Variants in SCN8A observed in about 807,000 individuals in gnomAD.
The protein encoded by SCN8A is sodium channel protein type 8 subunit alpha.
A neutral mutation model predicts 184.1 loss-of-function variants in SCN8A; 30 were observed. The observed-to-expected ratio is 0.16, with a 90% CI of 0.12 to 0.22. The LOEUF is 0.22. SCN8A is among the 10% of genes least tolerant of loss of function. The probability of loss-of-function intolerance (pLI) is 1.00; values close to 1 mark genes in which losing one functional copy is unlikely to be tolerated. For synonymous variants in SCN8A, 852 were observed against 907.0 expected (o/e 0.94, Z 1.09); for missense variants, 1,057 against 2,498.9 (o/e 0.42, Z 12.30).
intron 26 of SCN8A, among the ~76,000 whole-genome samples, chr12:51,801,908 A>AGCCGGGCG: frequency 6.6e-6 from 1 of 152,124 alleles, no homozygotes; most frequent in Non-Finnish European, 1.5e-5. Context: ...TACAAAAATT[A>AGCCGGGCG]GCCGGGCATG....
At chr12:51,735,075 TAATA>T (rs1350442203) in intron 12 of SCN8A, among the ~76,000 whole-genome samples, 1 of 152,222 alleles carries the variant, frequency 6.6e-6, no homozygotes, top group Non-Finnish European at 1.5e-5. Context: ...TAAGAGCTAT[TAATA>T]GTTTCCACAA....
At chr12:51,632,811 C>G (rs905288374) in intron 1 of SCN8A, among the ~76,000 whole-genome samples, 1 of 152,062 alleles carries the variant, frequency 6.6e-6, no homozygotes, top group Admixed American at 6.6e-5. Context: ...TTGAACAAGC[C>G]TTTTTTGTTC....
chr12:51,751,281 C>A, intron 13 of SCN8A, 74 bp from the exon 14 acceptor site: 1 of 941,598 alleles, frequency 1.1e-6, no homozygotes, highest in Non-Finnish European at 1.7e-6. Context: ...GTGATAATGA[C>A]TGAGAGTGAG....
At chr12:51,638,904 A>G (rs1940379617) in intron 1 of SCN8A, among the ~76,000 whole-genome samples, 1 of 152,184 alleles carries the variant, frequency 6.6e-6, no homozygotes, top group Non-Finnish European at 1.5e-5. Flanking sequence ...GAGCCTAGAG[A>G]TGTGACTGAA....
intron 14 of SCN8A, among the ~76,000 whole-genome samples, chr12:51,756,348 A>G (rs542419639): frequency 6.6e-6 from 1 of 151,110 alleles, no homozygotes; most frequent in South Asian, 2.1e-4. Flanking sequence ...TCCTCACCCC[A>G]CTCGGGATCT....
chr12:51,775,393 TC>T (rs1190349532), intron 20 of SCN8A, among the ~76,000 whole-genome samples: 1 of 152,208 alleles, frequency 6.6e-6, no homozygotes, highest in Non-Finnish European at 1.5e-5. Flanking sequence ...TAAATGGATT[TC>T]TTTTCCAATA....
intron 26 of SCN8A, among the ~76,000 whole-genome samples, chr12:51,805,757 A>G (rs2138941196): frequency 6.6e-6 from 1 of 151,882 alleles, no homozygotes; most frequent in South Asian, 2.1e-4. Flanking sequence ...CAAAAGACAA[A>G]TGTGTGTGTT....
chr12:51,789,171 A>G, intron 23 of SCN8A, 110 bp from the exon 24 acceptor site: 1 of 1,193,406 alleles, frequency 8.4e-7, no homozygotes, highest in East Asian at 2.5e-5. Context: ...GGGCTCTCCC[A>G]CCCCAAGATG....
chr12:51,652,351 GTCT>G (rs1940734648), intron 1 of SCN8A, among the ~76,000 whole-genome samples: 1 of 152,064 alleles, frequency 6.6e-6, no homozygotes, highest in South Asian at 2.1e-4. Context: ...TGCTACAATA[GTCT>G]TCTTCCTGGT....
chr12:51,710,238 C>T (rs986226756), intron 11 of SCN8A, among the ~76,000 whole-genome samples: 7 of 152,138 alleles, frequency 4.6e-5, no homozygotes, highest in Non-Finnish European at 8.8e-5. Context: ...ACGGTTACAA[C>T]CTATGTGTTC....
chr12:51,601,664 G>C (rs538054971), intron 1 of SCN8A, among the ~76,000 whole-genome samples: 1 of 152,090 alleles, frequency 6.6e-6, no homozygotes, highest in East Asian at 1.9e-4. Flanking sequence ...TAAAATTAAA[G>C]TCTGACCCTT....
At chr12:51,692,568 G>T (rs1941529581) in intron 6 of SCN8A, among the ~76,000 whole-genome samples, 1 of 152,230 alleles carries the variant, frequency 6.6e-6, no homozygotes, top group African/African-American at 2.4e-5. Context: ...TGCTAAAAGG[G>T]TCGGTTATAG....
chr12:51,647,383 A>G (rs1277703878), intron 1 of SCN8A, among the ~76,000 whole-genome samples: 1 of 152,252 alleles, frequency 6.6e-6, no homozygotes, highest in Non-Finnish European at 1.5e-5. Context: ...AGGATTAGGA[A>G]GAGACCAGTT....
rs781602116 is a variant in SCN8A at position 51,807,106 on chromosome 12, G to C, written c.5620G>C (p.Val1874Leu). ...ILRQQMEERF[V>L]ASNPSKVSYE... ...GCGGCAGCAGATGGAAGAGCGGTTC[G>C]TGGCATCCAATCCTTCCAAAGTGTC... is the stretch of plus-strand genomic sequence containing the variant. Residue 1874 changes from valine to leucine, a missense_variant, in exon 27 of 27, where the codon GTG becomes CTG. By Grantham distance (32) the Val-to-Leu change is conservative (BLOSUM62 1). Coordinates refer to ENST00000627620, the MANE Select transcript of SCN8A (RefSeq NM_001330260.2). This position sits in a 1 kb window ranked among gnomAD's most constrained non-coding sequence, Gnocchi z 4.5. 2.5e-6 allele frequency: 4 copies of C among 1,613,976 alleles called. No individual in the cohort carries two copies. The highest frequency in any genetic ancestry group is 1.7e-6 in the Non-Finnish European group (2 of 1,179,888).
At chr12:51,696,650 G>C (rs577029752) in intron 6 of SCN8A, among the ~76,000 whole-genome samples, 1 of 152,212 alleles carries the variant, frequency 6.6e-6, no homozygotes, top group African/African-American at 2.4e-5. Context: ...CTCCACTACT[G>C]CCCACTGCTG....
chr12:51,652,037 A>T (rs2138653875), intron 1 of SCN8A, among the ~76,000 whole-genome samples: 1 of 152,318 alleles, frequency 6.6e-6, no homozygotes, highest in East Asian at 1.9e-4. Context: ...TGAGAAAAAA[A>T]ATCATTCCCT....
intron 12 of SCN8A, among the ~76,000 whole-genome samples, chr12:51,740,225 G>A (rs918768412): frequency 6.6e-6 from 1 of 152,240 alleles, no homozygotes; most frequent in Non-Finnish European, 1.5e-5. Flanking sequence ...TTTATGGCCA[G>A]TTTTGGGGCC....
intron 2 of SCN8A, among the ~76,000 whole-genome samples, chr12:51,663,832 T>C (rs1378797597): frequency 1.3e-5 from 2 of 150,586 alleles, no homozygotes; most frequent in Non-Finnish European, 3.0e-5. Flanking sequence ...TCCTGGGTGA[T>C]CCACCAGCTA....
rs1382635544 is a variant in SCN8A, at chr12:51,810,390, G to A, written c.*2961G>A. On this transcript the variant is annotated 3_prime_UTR_variant, in exon 27 of 27. Transcript: ENST00000627620. The stretch of plus-strand genomic sequence containing the variant: ...CCATCACCAGCAGTTTACACCCGCA[G>A]TTAACAGGCATCGAACTGAAAGAAT... 2.2e-6 allele frequency: 1 copy of A among 451,894 alleles called. No individual in the cohort carries two copies. The highest frequency in any genetic ancestry group is 4.4e-6 in the Non-Finnish European group (1 of 225,070). The allele number at this position is 451,894 out of a possible 1,614,324, so 28.0% of individuals were successfully genotyped here.
Sources: gnomAD v4.1 joint callset for allele counts (sites outside exome capture counted in the v4.1 genomes callset) on GRCh38, gnomAD v4.1.1 for gene constraint, Gnocchi (gnomAD v3.1) non-coding constraint, MANE v1.5 for transcripts, NCBI Gene and HGNC (gene_info 2026-07-23, HGNC 2026-07-21) for gene names.